SH3BP4: variants seen among roughly 807,000 people sequenced by gnomAD.
SH3BP4 encodes SH3 domain binding protein 4, also known as SH3 domain-binding protein 4.
A neutral mutation model predicts 65.5 loss-of-function variants in SH3BP4; 33 were observed. That is an observed-to-expected ratio of 0.50 (90% CI 0.38 to 0.67). The LOEUF is 0.67. Ranked by LOEUF, SH3BP4 falls within the 30% of genes least tolerant of loss-of-function variation. The pLI is 0.00. For synonymous variants in SH3BP4, 552 were observed against 545.5 expected (o/e 1.01, Z -0.17); for missense variants, 1,134 against 1,261.4 (o/e 0.90, Z 1.53).
intron 1 of SH3BP4, among the ~76,000 whole-genome samples, chr2:234,987,698 T>G (rs1693610955): frequency 6.6e-6 from 1 of 152,158 alleles, no homozygotes; most frequent in Non-Finnish European, 1.5e-5. Context: ...TTCGAAACCT[T>G]GGATTAAAAC....
At chr2:234,999,157 G>C (rs1694021421) in intron 2 of SH3BP4, among the ~76,000 whole-genome samples, 1 of 152,224 alleles carries the variant, frequency 6.6e-6, no homozygotes, top group African/African-American at 2.4e-5. Flanking sequence ...AGAAACGTGA[G>C]CTGCACTCCC....
intron 2 of SH3BP4, among the ~76,000 whole-genome samples, chr2:235,025,578 C>G (rs890804724): frequency 3.9e-5 from 6 of 152,214 alleles, no homozygotes; most frequent in African/African-American, 1.4e-4. Flanking sequence ...GGGAGACAAT[C>G]CAAGCTTGGG....
intron 2 of SH3BP4, among the ~76,000 whole-genome samples, chr2:235,018,338 GT>G (rs1694752033): frequency 6.6e-6 from 1 of 152,096 alleles, no homozygotes; most frequent in African/African-American, 2.4e-5. Context: ...GCCTATTTTA[GT>G]CTCGTGGGGT....
intron 1 of SH3BP4, among the ~76,000 whole-genome samples, chr2:234,961,085 T>C (rs1229701062): frequency 6.6e-6 from 1 of 152,196 alleles, no homozygotes; most frequent in African/African-American, 2.4e-5. Context: ...TCCGAATATT[T>C]GGCTTCTCTT....
intron 1 of SH3BP4, among the ~76,000 whole-genome samples, chr2:234,954,409 C>T (rs1300419753): frequency 6.6e-6 from 1 of 152,104 alleles, no homozygotes; most frequent in Non-Finnish European, 1.5e-5. Context: ...TCCTTTCCAC[C>T]AGCACGTGGA....
At chr2:234,972,206 A>C (rs1457029859) in intron 1 of SH3BP4, among the ~76,000 whole-genome samples, 2 of 148,380 alleles carry the variant, frequency 1.3e-5, no homozygotes, top group African/African-American at 5.0e-5. Context: ...ATCTTGGCTC[A>C]CTGCAACCTC....
In SH3BP4 at chr2:235,052,634, G is replaced by A. The variant is rs868327197; in HGVS notation, c.2551G>A (p.Val851Ile). ...GGACTTTGTGCTCCTGACCACGGCTGTAGAGGTGGCCCAGCGCTGGCGGGA... is the reference window on the plus strand; with the variant it reads ...GGACTTTGTGCTCCTGACCACGGCTATAGAGGTGGCCCAGCGCTGGCGGGA... ...IQDFVLLTTA[V>I]EVAQRWRELA... is the part of the protein sequence containing the mutation. Residue 851 changes from valine to isoleucine, a missense_variant, in exon 5 of 6, where the codon GTA becomes ATA. Coordinates refer to ENST00000392011, the MANE Select transcript of SH3BP4 (RefSeq NM_014521.3). This position sits in a 1 kb window ranked among gnomAD's most constrained non-coding sequence, Gnocchi z 5.0. The A allele has an allele frequency of 2.5e-6, 4 of 1,576,450 alleles. No homozygotes were observed. The Admixed American group carries it at 5.5e-5, about 22-fold the overall frequency.
intron 2 of SH3BP4, among the ~76,000 whole-genome samples, chr2:235,010,373 G>C (rs1694441703): frequency 6.6e-6 from 1 of 152,218 alleles, no homozygotes; most frequent in Admixed American, 6.5e-5. Context: ...GCACACAGTA[G>C]GCCCCAGAAC....
rs1008023051 is a variant in SH3BP4, at chr2:235,054,384, C to G, written c.*568C>G. On this transcript the variant is annotated 3_prime_UTR_variant, in exon 6 of 6. Coordinates refer to ENST00000392011, the MANE Select transcript of SH3BP4 (RefSeq NM_014521.3). ...GGCTTTTCAGTAAACGGGTACAGCT[C>G]ATTCTTTCTGAGAAGGCCCCAGGTC... The G allele has an allele frequency of 6.5e-6, 1 of 153,024 alleles. No individual in the cohort carries two copies. Among genetic ancestry groups the G allele is most frequent in the Non-Finnish European group, 1.5e-5 (1 of 68,596 alleles). The allele number at this position is 153,024 out of a possible 1,614,324, so 9.5% of individuals were successfully genotyped here. A position where few individuals can be genotyped will look rare whatever the true frequency, so the allele number is the denominator to read the frequency against.
intron 1 of SH3BP4, among the ~76,000 whole-genome samples, chr2:234,989,539 A>G (rs542666620): frequency 1.1e-4 from 17 of 152,268 alleles, no homozygotes; most frequent in African/African-American, 4.1e-4. Context: ...TAGGAAGGGT[A>G]GAGAACAGGG....
rs375026453 is a variant in SH3BP4 at position 235,031,063 on chromosome 2, C to T, written c.-132-3808C>T. Among the ~76,000 whole-genome samples, 6 of 152,104 alleles carry T rather than the reference C, an allele frequency of 3.9e-5. No individual in the cohort carries two copies. In the East Asian group the frequency reaches 7.7e-4, roughly 20 times the overall value. ...AGAGCATTGAGGACCACAGGACACA[C>T]GTCTCCCACCTGCTATGTGGAGGGG... On this transcript the variant is annotated intron_variant, in intron 2 of 5. Coordinates refer to ENST00000392011, the MANE Select transcript of SH3BP4 (RefSeq NM_014521.3).
intron 3 of SH3BP4, among the ~76,000 whole-genome samples, chr2:235,040,272 G>C (rs1574843083): frequency 6.6e-6 from 1 of 152,170 alleles, no homozygotes; most frequent in South Asian, 2.1e-4. Context: ...AAGAATAAAA[G>C]AGGTTGGAAG....
intron 2 of SH3BP4, among the ~76,000 whole-genome samples, chr2:235,020,561 T>G (rs1218367459): frequency 6.6e-6 from 1 of 152,004 alleles, no homozygotes; most frequent in East Asian, 1.9e-4. Context: ...GAAAATATAA[T>G]CGGAAAAGGA....
intron 1 of SH3BP4, chr2:234,979,334 G>C (rs1312405571): frequency 6.6e-6 from 1 of 152,228 alleles, no homozygotes; most frequent in African/African-American, 2.4e-5. Flanking sequence ...AAGCATTTGA[G>C]GGAGTCCCTG....
rs1380490304 is a variant in SH3BP4, at chr2:235,029,640, G to A, written c.-132-5231G>A. Among the ~76,000 whole-genome samples the A allele has an allele frequency of 2.6e-5, 4 of 152,290 alleles. No individual in the cohort carries two copies. The East Asian group carries it at 7.7e-4, about 29-fold the overall frequency. ...TCTAATCTTAAAAATGTTTTATTGT[G>A]CACATTTTCATACAAGTACATAATT... On this transcript the variant is annotated intron_variant, in intron 2 of 5. Coordinates refer to ENST00000392011, the MANE Select transcript of SH3BP4 (RefSeq NM_014521.3).
chr2:234,999,695 A>G (rs1449883961), intron 2 of SH3BP4, among the ~76,000 whole-genome samples: 2 of 152,226 alleles, frequency 1.3e-5, no homozygotes, highest in African/African-American at 2.4e-5. Flanking sequence ...CTCAAAGACT[A>G]AAAAGGAATC....
At chr2:235,051,294 G>A (rs975743660) in intron 4 of SH3BP4, among the ~76,000 whole-genome samples, 1 of 152,204 alleles carries the variant, frequency 6.6e-6, no homozygotes, top group Non-Finnish European at 1.5e-5. Context: ...TAGCAGGCCT[G>A]CTGTCTTGTG....
intron 4 of SH3BP4, among the ~76,000 whole-genome samples, chr2:235,047,030 A>T (rs143547727): frequency 6.6e-6 from 1 of 152,282 alleles, no homozygotes; most frequent in Non-Finnish European, 1.5e-5. Context: ...CTGAAGAATG[A>T]CAAGGTTTGT....
intron 1 of SH3BP4, among the ~76,000 whole-genome samples, chr2:234,986,972 A>G (rs1193661864): frequency 2.0e-5 from 3 of 151,978 alleles, no homozygotes; most frequent in Non-Finnish European, 2.9e-5. Flanking sequence ...AGGTTTCACC[A>G]TGTTGGTCAG....
Sources: allele counts gnomAD v4.1 joint callset (sites outside exome capture counted in the v4.1 genomes callset), GRCh38; gene constraint gnomAD v4.1.1; non-coding constraint Gnocchi (gnomAD v3.1); transcripts MANE v1.5; gene names NCBI Gene and HGNC (gene_info 2026-07-23, HGNC 2026-07-21).